Variants in RGPD2 observed in about 807,000 individuals in gnomAD.
RGPD2 encodes RANBP2 like and GRIP domain containing 2.
Under a neutral mutation model 36.0 loss-of-function variants are expected in RGPD2, and 2 were observed. That is an observed-to-expected ratio of 0.06 (90% CI 0.02 to 0.17). The LOEUF (loss-of-function observed/expected upper bound fraction) is 0.17. Among genes scored for constraint, RGPD2 ranks in the 10% least tolerant of loss-of-function variants. The pLI, the probability that RGPD2 is intolerant of heterozygous loss-of-function variation, is 1.00. For missense variants in RGPD2, 40 were observed against 464.3 expected (o/e 0.09, Z 8.40); for synonymous variants, 19 against 163.8 (o/e 0.12, Z 6.75).
chr2:87,829,632 ACGG>A (rs1686922583), upstream of RGPD2, among the ~76,000 whole-genome samples: 1 of 151,784 alleles, frequency 6.6e-6, no homozygotes, highest in African/African-American at 2.4e-5. Flanking sequence ...GTGCAGAGGA[ACGG>A]CCCTTTATAA....
chr2:87,842,730 C>CA, the RGPD2 span, among the ~76,000 whole-genome samples: 1 of 151,832 alleles, frequency 6.6e-6, no homozygotes, highest in Admixed American at 6.6e-5. Context: ...CATATGGAAC[C>CA]AAAAAAGAGC....
At chr2:87,932,120 G>GTGCT in the RGPD2 span, among the ~76,000 whole-genome samples, 1 of 102,716 alleles carries the variant, frequency 9.7e-6, no homozygotes, top group African/African-American at 3.8e-5. Flanking sequence ...ATGAATCTGA[G>GTGCT]TGCTTCTATG....
At chr2:87,824,714 G>GGCCGCC (rs1163205537) in intron 1 of RGPD2, among the ~76,000 whole-genome samples, 7,553 of 78,938 alleles carry the variant, frequency 0.096, 706 homozygotes, top group Middle Eastern at 0.13. Flanking sequence ...CCGAGGCCGA[G>GGCCGCC]GCCGCCGCCG....
At chr2:87,892,372 C>A in the RGPD2 span, among the ~76,000 whole-genome samples, 49 of 152,054 alleles carry the variant, frequency 3.2e-4, no homozygotes, top group African/African-American at 1.1e-3. Context: ...AGTGCCCTGG[C>A]AACTGTCTGC....
chr2:87,915,097 A>G, the RGPD2 span, among the ~76,000 whole-genome samples: 1 of 151,856 alleles, frequency 6.6e-6, no homozygotes, highest in African/African-American at 2.4e-5. Context: ...CAGTGAGCCA[A>G]GATTGCACCA....
At chr2:87,977,930 A>G in the RGPD2 span, among the ~76,000 whole-genome samples, 1 of 151,300 alleles carries the variant, frequency 6.6e-6, no homozygotes, top group East Asian at 2.0e-4. Context: ...AGCCTGTCCA[A>G]CATGGTGAAA....
the RGPD2 span, among the ~76,000 whole-genome samples, chr2:87,983,166 A>G: frequency 2.0e-5 from 3 of 151,954 alleles, no homozygotes; most frequent in South Asian, 4.2e-4. Context: ...CTAAAAATAC[A>G]GAAATTAGCC....
At chr2:87,952,800 A>G in the RGPD2 span, among the ~76,000 whole-genome samples, 9 of 152,006 alleles carry the variant, frequency 5.9e-5, no homozygotes, top group Non-Finnish European at 1.2e-4. Flanking sequence ...AAAATAAAGA[A>G]CTTCCAAGTC....
chr2:87,872,748 C>T, the RGPD2 span, among the ~76,000 whole-genome samples: 1 of 151,460 alleles, frequency 6.6e-6, no homozygotes, highest in African/African-American at 2.4e-5. Flanking sequence ...CATCATTCAG[C>T]TCCCACTTAC....
the RGPD2 span, among the ~76,000 whole-genome samples, chr2:87,886,237 T>C: frequency 6.6e-6 from 1 of 151,802 alleles, no homozygotes; most frequent in Non-Finnish European, 1.5e-5. Flanking sequence ...CTCCCAGATA[T>C]CCTCATGACT....
At chr2:87,868,671 C>A in the RGPD2 span, among the ~76,000 whole-genome samples, 1 of 152,124 alleles carries the variant, frequency 6.6e-6, no homozygotes, top group Non-Finnish European at 1.5e-5. Flanking sequence ...TCCACAAAAA[C>A]GGCAAACATA....
chr2:87,907,463 AGAATTGTGGGTATG>A, the RGPD2 span, among the ~76,000 whole-genome samples: 50 of 20,474 alleles, frequency 2.4e-3, no homozygotes, highest in East Asian at 3.3e-3. Context: ...AAAAAAAAAA[AGAATTGTGGGTATG>A]AAATAGGAAA....
At chr2:87,943,412 A>G in the RGPD2 span, among the ~76,000 whole-genome samples, 3 of 151,928 alleles carry the variant, frequency 2.0e-5, no homozygotes, top group Admixed American at 6.6e-5. Context: ...AAAAATATCT[A>G]TTCAGACTCT....
chr2:87,963,886 A>G, the RGPD2 span, among the ~76,000 whole-genome samples: 1,303 of 120,980 alleles, frequency 0.011, 14 homozygotes, highest in Non-Finnish European at 0.016. Context: ...TCCAGGCTGG[A>G]CTCCAGTGGC....
chr2:87,939,800 A>G, the RGPD2 span, among the ~76,000 whole-genome samples: 3 of 152,136 alleles, frequency 2.0e-5, no homozygotes, highest in Admixed American at 2.0e-4. Context: ...AGAACAAACT[A>G]TTTACTTGAT....
chr2:87,968,664 C>G, the RGPD2 span: 1 of 191,248 alleles, frequency 5.2e-6, no homozygotes, highest in African/African-American at 2.4e-5. Flanking sequence ...TCAAACCAGC[C>G]GAATAGGACA....
At chr2:87,822,160 T>C (rs1009612863) in intron 1 of RGPD2, among the ~76,000 whole-genome samples, 33 of 152,258 alleles carry the variant, frequency 2.2e-4, no homozygotes, top group African/African-American at 6.7e-4. Flanking sequence ...AAAGTCTAGA[T>C]ACTGAAACAT....
At chr2:87,927,843 G>A in the RGPD2 span, among the ~76,000 whole-genome samples, 6 of 148,642 alleles carry the variant, frequency 4.0e-5, no homozygotes, top group South Asian at 2.2e-4. Context: ...TCCAATAGGT[G>A]ACATAAGAAA....
the RGPD2 span, among the ~76,000 whole-genome samples, chr2:87,932,819 G>C: frequency 7.9e-5 from 12 of 151,534 alleles, no homozygotes; most frequent in African/African-American, 2.9e-4. Flanking sequence ...TTAGAGGTCC[G>C]CTGTTAGTCT....
Sources: allele counts gnomAD v4.1 joint callset (sites outside exome capture counted in the v4.1 genomes callset), GRCh38; gene constraint gnomAD v4.1.1; transcripts MANE v1.5; gene names NCBI Gene and HGNC (gene_info 2026-07-23, HGNC 2026-07-21).